The following NTM variants were observed in gnomAD, a reference collection of about 807,000 sequenced individuals.
NTM encodes the protein IgLON family member 2.
A neutral mutation model predicts 42.1 loss-of-function variants in NTM; 13 were observed. That is an observed-to-expected ratio of 0.31 (90% CI 0.20 to 0.49). The LOEUF (loss-of-function observed/expected upper bound fraction) is 0.49. Ranked by LOEUF, NTM falls within the 20% of genes least tolerant of loss-of-function variation. The probability of loss-of-function intolerance (pLI) is 0.99; values close to 1 mark genes in which losing one functional copy is unlikely to be tolerated. For missense variants in NTM, 373 were observed against 452.8 expected (o/e 0.82, Z 1.60); for synonymous variants, 187 against 179.2 (o/e 1.04, Z -0.35).
chr11:131,803,277 T>C (rs914731726), intron 1 of NTM, among the ~76,000 whole-genome samples: 3 of 151,954 alleles, frequency 2.0e-5, no homozygotes, highest in Non-Finnish European at 2.9e-5. Context: ...TCTTGAAGTT[T>C]GTCACTAACG....
chr11:131,464,198 A>G (rs1483579656), intron 1 of NTM, among the ~76,000 whole-genome samples: 2 of 151,988 alleles, frequency 1.3e-5, no homozygotes, highest in African/African-American at 2.4e-5. Context: ...GTGTCAGGCA[A>G]AGCAAGTCCC....
chr11:131,498,750 G>A (rs564807434), intron 1 of NTM, among the ~76,000 whole-genome samples: 1 of 152,338 alleles, frequency 6.6e-6, no homozygotes, highest in South Asian at 2.1e-4. Flanking sequence ...AAGGGCTGGG[G>A]GGAAGCCAGG....
rs1165673770 is a variant in NTM, at chr11:132,002,723, G to T, written c.167+91075G>T. Among the ~76,000 whole-genome samples, 1 of 152,112 alleles carries T rather than the reference G, an allele frequency of 6.6e-6. No individual in the cohort carries two copies. The highest frequency in any genetic ancestry group is 1.5e-5 in the Non-Finnish European group (1 of 68,020). On this transcript the variant is annotated intron_variant, in intron 2 of 8. Coordinates refer to ENST00000683400, the MANE Select transcript of NTM (RefSeq NM_001352005.2). The surrounding 1 kb of genome is among the most constrained non-coding windows in gnomAD (Gnocchi z 4.5). ...AATTTTGTGGCAATACAATGCCTGG[G>T]TTTGAATTCAAGTTCTGCCACTTCC...
chr11:132,091,332 A>G (rs906030626), intron 2 of NTM, among the ~76,000 whole-genome samples: 2 of 151,992 alleles, frequency 1.3e-5, no homozygotes, highest in African/African-American at 2.4e-5. Flanking sequence ...CATTTGAACC[A>G]GGGAGGTGGA....
At chr11:131,909,081 T>C (rs2054297572) in intron 1 of NTM, among the ~76,000 whole-genome samples, 1 of 152,210 alleles carries the variant, frequency 6.6e-6, no homozygotes, top group Non-Finnish European at 1.5e-5. Flanking sequence ...GGCCCAATGA[T>C]GAGTTAATGC....
chr11:132,264,188 C>T (rs1451080461), intron 4 of NTM, among the ~76,000 whole-genome samples: 1 of 152,154 alleles, frequency 6.6e-6, no homozygotes, highest in African/African-American at 2.4e-5. Context: ...ACGTTTCTGC[C>T]AGTGTGATAG....
At chr11:132,144,591 T>A (rs932462468) in intron 2 of NTM, among the ~76,000 whole-genome samples, 1 of 152,088 alleles carries the variant, frequency 6.6e-6, no homozygotes, top group African/African-American at 2.4e-5. Context: ...AACTGAGATG[T>A]TGTTATAAAT....
chr11:132,269,589 A>G (rs576316265), intron 4 of NTM, among the ~76,000 whole-genome samples: 3 of 152,346 alleles, frequency 2.0e-5, no homozygotes, highest in African/African-American at 4.8e-5. Flanking sequence ...GCCAGGATTT[A>G]TATACAAATT....
intron 1 of NTM, among the ~76,000 whole-genome samples, chr11:131,516,098 A>G (rs2136506147): frequency 6.6e-6 from 1 of 152,364 alleles, no homozygotes; most frequent in South Asian, 2.1e-4. Context: ...CACTAGCTAT[A>G]GAGAAAGCAT....
chr11:131,409,823 T>C (rs1420003042), intron 1 of NTM, among the ~76,000 whole-genome samples: 1 of 152,202 alleles, frequency 6.6e-6, no homozygotes, highest in Non-Finnish European at 1.5e-5. Context: ...ACACATCTCC[T>C]TGGGCTTTCT....
chr11:131,917,059 G>C (rs184051677), intron 2 of NTM, among the ~76,000 whole-genome samples: 1 of 152,274 alleles, frequency 6.6e-6, no homozygotes, highest in Admixed American at 6.5e-5. Flanking sequence ...TTTTTCTTCA[G>C]AACAATCATC....
chr11:132,112,673 C>T (rs1026763636), intron 2 of NTM, among the ~76,000 whole-genome samples: 1 of 148,844 alleles, frequency 6.7e-6, no homozygotes, highest in Non-Finnish European at 1.5e-5. Flanking sequence ...AAACTTGGAC[C>T]GAATGCTGTT....
intron 2 of NTM, among the ~76,000 whole-genome samples, chr11:131,944,959 G>T (rs1217156660): frequency 6.6e-6 from 1 of 152,158 alleles, no homozygotes; most frequent in African/African-American, 2.4e-5. Flanking sequence ...TGTTGTGTAA[G>T]GATAAAACCC....
intron 1 of NTM, among the ~76,000 whole-genome samples, chr11:131,673,762 C>T (rs1028968340): frequency 3.0e-4 from 45 of 152,184 alleles, no homozygotes; most frequent in African/African-American, 1.0e-3. Context: ...TCCACTCTCT[C>T]GGCTCTCCTT....
chr11:131,568,520 A>G (rs1212204028), intron 1 of NTM, among the ~76,000 whole-genome samples: 2 of 152,218 alleles, frequency 1.3e-5, no homozygotes, highest in Non-Finnish European at 2.9e-5. Context: ...GCAACTGTCC[A>G]TCTAGAGACC....
At position 132,001,360 on chromosome 11, in the gene NTM, C is replaced by G. The variant is rs1051041596; in HGVS notation, c.167+89712C>G. ...TATATAAAGGCTGATTTATAGTAAG[C>G]TGTTGTGTGAGGCCATTCTGGCATT... is the stretch of plus-strand genomic sequence containing the variant. On this transcript the variant is annotated intron_variant, in intron 2 of 8. Transcript: ENST00000683400. 5.3e-5 allele frequency among the ~76,000 whole-genome samples: 8 copies of G among 152,256 alleles called. No homozygotes were observed. The South Asian group carries it at 1.5e-3, about 28-fold the overall frequency.
At chr11:131,937,778 C>T (rs1020183472) in intron 2 of NTM, among the ~76,000 whole-genome samples, 6 of 151,944 alleles carry the variant, frequency 3.9e-5, no homozygotes, top group Admixed American at 2.0e-4. Flanking sequence ...GAAAGCTGGC[C>T]CCATGTTAGA....
intron 3 of NTM, among the ~76,000 whole-genome samples, chr11:132,163,214 C>G (rs932374669): frequency 1.3e-5 from 2 of 152,136 alleles, no homozygotes; most frequent in African/African-American, 2.4e-5. Context: ...GGTTGAGTCC[C>G]GAGGATCTCC....
chr11:131,837,238 C>T (rs111381876), intron 1 of NTM, among the ~76,000 whole-genome samples: 135 of 152,286 alleles, frequency 8.9e-4, no homozygotes, highest in Admixed American at 4.7e-3. Context: ...ACCGAATTTG[C>T]ACCTTTGTCA....
Sources: gnomAD v4.1 joint callset for allele counts (sites outside exome capture counted in the v4.1 genomes callset) on GRCh38, gnomAD v4.1.1 for gene constraint, Gnocchi (gnomAD v3.1) non-coding constraint, MANE v1.5 for transcripts, NCBI Gene and HGNC (gene_info 2026-07-23, HGNC 2026-07-21) for gene names.